Variants in PRR27 observed in about 807,000 individuals in gnomAD.
PRR27 encodes proline-rich protein 27.
Under a neutral mutation model 16.8 loss-of-function variants are expected in PRR27, and 12 were observed. The observed-to-expected ratio is 0.71, with a 90% CI of 0.46 to 1.16. The LOEUF is 1.16. PRR27 is among the 50% of genes most tolerant of loss of function. The pLI, the probability that PRR27 is intolerant of heterozygous loss-of-function variation, is 0.00. For synonymous variants in PRR27, 100 were observed against 98.4 expected, an observed-to-expected ratio of 1.02 and a Z score of -0.10; for missense variants, 277 against 273.3, an observed-to-expected ratio of 1.01 and a Z score of -0.10.
intron 3 of PRR27, among the ~76,000 whole-genome samples, chr4:70,160,443 C>CTCTCTCTCTCTCTCTCTGTGTGTGTG (rs1298386504): frequency 1.1e-3 from 77 of 68,678 alleles, no homozygotes; most frequent in Non-Finnish European, 1.8e-3. Context: ...CTCTCTCTCT[C>CTCTCTCTCTCTCTCTCTGTGTGTGTG]TGTGTGTGTG....
chr4:70,161,517 A>C, intron 3 of PRR27, 69 bp from the exon 4 acceptor site: 2 of 942,350 alleles, frequency 2.1e-6, no homozygotes, highest in Non-Finnish European at 1.6e-6. Context: ...TAGAAAAGAT[A>C]GGCCCAATAC....
rs1010915776 is a variant in PRR27, at chr4:70,154,391, TG to T, written c.19del (p.Ala7ProfsTer32). 58 of 1,612,904 alleles carry T rather than the reference TG, an allele frequency of 3.6e-5. No homozygotes were observed. Among genetic ancestry groups the T allele is most frequent in the Non-Finnish European group, 4.9e-5 (58 of 1,179,054 alleles). Reference protein sequence around the residue: MKLLLWACIVCVAFAR... With the variant: MKLLLXACIVCVAFAR... ...GTCAATCAAAATGAAGCTTCTCCTTTGGGCCTGCATTGTATGTGTTGCTTTT... is the reference window on the plus strand; with the variant it reads ...GTCAATCAAAATGAAGCTTCTCCTTTGGCCTGCATTGTATGTGTTGCTTTT... On this transcript the variant is annotated frameshift_variant, in exon 1 of 5. Coordinates refer to ENST00000344526, the MANE Select transcript of PRR27 (RefSeq NM_214711.4). LOFTEE classifies it high-confidence loss of function.
chr4:70,158,710 C>T lies in PRR27; in HGVS notation c.458C>T (p.Pro153Leu). 1 of 1,581,864 alleles carries T rather than the reference C, an allele frequency of 6.3e-7. No individual in the cohort carries two copies. Among genetic ancestry groups the T allele is most frequent in the Non-Finnish European group, 8.7e-7 (1 of 1,155,966 alleles). The change falls in exon 3 of 5, where the codon CCT (proline) becomes CTT (leucine). Residue 153 changes from proline (P) to leucine (L), a missense_variant. Transcript: ENST00000344526. ...GCAGCTGAGCCTGCTGCAGGGGCCC[C>T]TGTTGCAGCTGAGCCTGCTGCAGAG... ...PVAAEPAAGA[P>L]VAAEPAAEAP...
intron 3 of PRR27, among the ~76,000 whole-genome samples, chr4:70,161,179 T>TATATATATATATATATATATATATATAC (rs527588905): frequency 7.4e-5 from 8 of 107,700 alleles, no homozygotes; most frequent in African/African-American, 2.4e-4. Context: ...TATATATATA[T>TATATATATATATATATATATATATATAC]ACACACATAC....
chr4:70,163,341 G>A lies in PRR27; in HGVS notation c.*680G>A, dbSNP rs1429255969. 1 of 124,022 alleles carries A rather than the reference G, an allele frequency of 8.1e-6. No individual in the cohort carries two copies. The highest frequency in any genetic ancestry group is 1.6e-5 in the Non-Finnish European group (1 of 62,188). The allele number at this position is 124,022 out of a possible 1,614,324, so 7.7% of individuals were successfully genotyped here. A position where few individuals can be genotyped will look rare whatever the true frequency, so the allele number is the denominator to read the frequency against. ...TTTTTTTTTTTTTTTTTGAGACGAA[G>A]TCTCACACTGTTGCACGGCTGTAGT... is the stretch of plus-strand genomic sequence containing the variant. On this transcript the variant is annotated 3_prime_UTR_variant, in exon 5 of 5. Transcript: ENST00000344526.
Position 70,158,521 on chromosome 4 carries a change from TC to T in PRR27, c.271del (p.Arg91ValfsTer5), listed in dbSNP as rs753532312. 1.9e-6 allele frequency: 3 copies of T among 1,614,136 alleles called. No homozygotes were observed. In the African/African-American group the frequency reaches 4.0e-5, roughly 22 times the overall value. On this transcript the variant is annotated frameshift_variant, in exon 3 of 5. Coordinates refer to ENST00000344526, the MANE Select transcript of PRR27 (RefSeq NM_214711.4). LOFTEE classifies it high-confidence loss of function. ...CCTGGATTCCCCTATGTCTATCACA[TC>T]CGTGGTTTTCCCTTAGCTACTCAGT... ...TSPGFPYVYH[I>X]RGFPLATQLN...
intron 3 of PRR27, 146 bp from the exon 4 acceptor site, chr4:70,161,440 A>G (rs1183679422): frequency 6.3e-6 from 3 of 472,686 alleles, no homozygotes; most frequent in Admixed American, 7.8e-5. Context: ...TAGTAGCAGT[A>G]TAGAATATTT....
intron 2 of PRR27, among the ~76,000 whole-genome samples, chr4:70,157,528 T>C (rs1728513925): frequency 6.6e-6 from 1 of 151,830 alleles, no homozygotes; most frequent in Non-Finnish European, 1.5e-5. Flanking sequence ...TTTATTTATA[T>C]ATATTTTTTG....
rs989147362 is a variant in PRR27, at chr4:70,166,098, A to G, written c.*3437A>G. On this transcript the variant is annotated 3_prime_UTR_variant, in exon 5 of 5. Transcript: ENST00000344526. ...ATAATAAATGGTATGTCATTTCACA[A>G]TTTACTATTTTTACTCAACATTTAT... 2 of 152,056 alleles carry G rather than the reference A, an allele frequency of 1.3e-5. No individual in the cohort carries two copies. The highest frequency in any genetic ancestry group is 4.8e-5 in the African/African-American group (2 of 41,424). The allele number at this position is 152,056 out of a possible 1,614,324, so 9.4% of individuals were successfully genotyped here.
chr4:70,165,731 A>G lies in PRR27; in HGVS notation c.*3070A>G, dbSNP rs1728750797. On this transcript the variant is annotated 3_prime_UTR_variant, in exon 5 of 5. Coordinates refer to ENST00000344526, the MANE Select transcript of PRR27 (RefSeq NM_214711.4). ...GTATAGCGTTCCCTTTAGCCACTGG[A>G]AAATGATATAATGTCATTGCTTACA... is the stretch of plus-strand genomic sequence containing the variant. 1 of 152,108 alleles carries G rather than the reference A, an allele frequency of 6.6e-6. No individual in the cohort carries two copies. Among genetic ancestry groups the G allele is most frequent in the African/African-American group, 2.4e-5 (1 of 41,456 alleles). The allele number at this position is 152,108 out of a possible 1,614,324, so 9.4% of individuals were successfully genotyped here.
At chr4:70,159,695 A>G (rs568074058) in intron 3 of PRR27, among the ~76,000 whole-genome samples, 1 of 152,328 alleles carries the variant, frequency 6.6e-6, no homozygotes, top group East Asian at 1.9e-4. Context: ...ATATGTGTGT[A>G]TGGACATACA....
At chr4:70,155,052 A>C (rs530981207) in intron 1 of PRR27, among the ~76,000 whole-genome samples, 1 of 152,298 alleles carries the variant, frequency 6.6e-6, no homozygotes, top group African/African-American at 2.4e-5. Context: ...AGGTAATTAT[A>C]TAAAGTGCTT....
chr4:70,165,017 T>G lies in PRR27; in HGVS notation c.*2356T>G, dbSNP rs1728734871. The G allele has an allele frequency of 6.6e-6, 1 of 152,160 alleles. No individual in the cohort carries two copies. The highest frequency in any genetic ancestry group is 2.4e-5 in the African/African-American group (1 of 41,464). The allele number at this position is 152,160 out of a possible 1,614,324, so 9.4% of individuals were successfully genotyped here. On this transcript the variant is annotated 3_prime_UTR_variant, in exon 5 of 5. Transcript: ENST00000344526. ...CAGTTGTGAAAGTATGAAATTTAAGTCTATCACTACAATAATATTTTGTTT... is the reference window on the plus strand; with the variant it reads ...CAGTTGTGAAAGTATGAAATTTAAGGCTATCACTACAATAATATTTTGTTT...
chr4:70,165,708 A>C lies in PRR27; in HGVS notation c.*3047A>C, dbSNP rs1728749008. The C allele has an allele frequency of 6.6e-6, 1 of 152,110 alleles. No individual in the cohort carries two copies. The highest frequency in any genetic ancestry group is 2.4e-5 in the African/African-American group (1 of 41,450). 9.4% of individuals were successfully genotyped at this position (152,110 alleles called of 1,614,324 possible). On this transcript the variant is annotated 3_prime_UTR_variant, in exon 5 of 5. Transcript: ENST00000344526. Reference sequence around the variant, plus strand: ...TCCATCTTACATAATTCTTTACTGTATAGCGTTCCCTTTAGCCACTGGAAA... The same window carrying C: ...TCCATCTTACATAATTCTTTACTGTCTAGCGTTCCCTTTAGCCACTGGAAA...
At chr4:70,161,352 C>T (rs1186625814) in intron 3 of PRR27, among the ~76,000 whole-genome samples, 2 of 151,106 alleles carry the variant, frequency 1.3e-5, no homozygotes, top group Admixed American at 6.6e-5. Context: ...GGACTTCATC[C>T]TGTAGCCAAA....
In PRR27 at chr4:70,164,123, T is replaced by C. The variant is rs1728710391; in HGVS notation, c.*1462T>C. The C allele has an allele frequency of 6.6e-6, 1 of 152,146 alleles. No individual in the cohort carries two copies. Among genetic ancestry groups the C allele is most frequent in the Admixed American group, 6.6e-5 (1 of 15,266 alleles). The allele number at this position is 152,146 out of a possible 1,614,324, so 9.4% of individuals were successfully genotyped here. On this transcript the variant is annotated 3_prime_UTR_variant, in exon 5 of 5. Coordinates refer to ENST00000344526, the MANE Select transcript of PRR27 (RefSeq NM_214711.4). ...AGTTACTATTACTGCTTTTTACCTT[T>C]TTATTTATTTGTGTATTGTCTTTGT...
chr4:70,159,607 T>A (rs1728590629), intron 3 of PRR27, among the ~76,000 whole-genome samples: 1 of 152,182 alleles, frequency 6.6e-6, no homozygotes, highest in African/African-American at 2.4e-5. Context: ...CCTGAGGCCA[T>A]GTATACATTG....
chr4:70,154,793 T>C (rs1231714785), intron 1 of PRR27: 2 of 1,300,404 alleles, frequency 1.5e-6, no homozygotes, highest in Non-Finnish European at 2.0e-6. Context: ...TTGCTGGAGG[T>C]ATTTATGTAC....
Position 70,158,542 on chromosome 4 carries a change from C to T in PRR27, c.290C>T (p.Thr97Ile), listed in dbSNP as rs1728549096. The T allele has an allele frequency of 6.2e-7, 1 of 1,614,150 alleles. No homozygotes were observed. The highest frequency in any genetic ancestry group is 2.2e-5 in the East Asian group (1 of 44,886). ...VYHIRGFPLA[T>I]QLNVPPLPPR... Reference sequence around the variant, plus strand: ...CACATCCGTGGTTTTCCCTTAGCTACTCAGTTGAATGTTCCTCCTCTCCCT... The same window carrying T: ...CACATCCGTGGTTTTCCCTTAGCTATTCAGTTGAATGTTCCTCCTCTCCCT... The change falls in exon 3 of 5, where the codon ACT becomes ATT. Residue 97 changes from threonine (T) to isoleucine (I), a missense_variant. Physicochemically the swap from Thr to Ile is moderately conservative, Grantham distance 89. Transcript: ENST00000344526.
Sources: gnomAD v4.1 joint callset for allele counts (sites outside exome capture counted in the v4.1 genomes callset) on GRCh38, gnomAD v4.1.1 for gene constraint, MANE v1.5 for transcripts, NCBI Gene and HGNC (gene_info 2026-07-23, HGNC 2026-07-21) for gene names.